ZPBP: variants seen among roughly 807,000 people sequenced by gnomAD.
ZPBP encodes the protein zona pellucida binding protein, also known as zona pellucida-binding protein 1.
Under a neutral mutation model 44.8 loss-of-function variants are expected in ZPBP, and 26 were observed. The observed-to-expected ratio is 0.58, with a 90% confidence interval of 0.43 to 0.81. The LOEUF (loss-of-function observed/expected upper bound fraction) is 0.81. ZPBP is among the 30% of genes least tolerant of loss of function. The probability of loss-of-function intolerance (pLI) is 0.00; values close to 1 mark genes in which losing one functional copy is unlikely to be tolerated. For synonymous variants in ZPBP, 174 were observed against 153.2 expected (o/e 1.14, Z -1.00); for missense variants, 409 against 434.0 (o/e 0.94, Z 0.51).
chr7:49,848,501 G>C (rs528866685), downstream of ZPBP, among the ~76,000 whole-genome samples: 16 of 152,334 alleles, frequency 1.1e-4, no homozygotes, highest in African/African-American at 3.8e-4. Context: ...AGGAACTGTT[G>C]CTCAGTGAGC....
chr7:50,086,744 C>T (rs1349474647), intron 2 of ZPBP, among the ~76,000 whole-genome samples: 1 of 151,822 alleles, frequency 6.6e-6, no homozygotes, highest in Non-Finnish European at 1.5e-5. Context: ...TAATCAGAGT[C>T]CTGAAGGAGG....
At chr7:49,944,599 A>G (rs1795024514) in intron 7 of ZPBP, among the ~76,000 whole-genome samples, 1 of 152,036 alleles carries the variant, frequency 6.6e-6, no homozygotes, top group Non-Finnish European at 1.5e-5. Flanking sequence ...TCATAGTTCA[A>G]TCTTGGTAGG....
Position 49,886,290 on chromosome 7 carries a change from A to C in ZPBP, n.509+14828T>G, listed in dbSNP as rs568929408. The stretch of plus-strand genomic sequence containing the variant: ...GTAAAAGTCCTTGAATATGCAGACA[A>C]TAGAGTACATTCCTATTTGGAAGCG... On this transcript the variant is annotated intron_variant and non_coding_transcript_variant, in intron 2 of 2. Coordinates refer to the ZPBP transcript ENST00000465922. Among the ~76,000 whole-genome samples the C allele has an allele frequency of 2.0e-5, 3 of 152,264 alleles. No individual in the cohort carries two copies. The East Asian group carries it at 5.8e-4, about 29-fold the overall frequency.
intron 2 of ZPBP, among the ~76,000 whole-genome samples, chr7:49,863,582 C>A (rs1790754866): frequency 6.6e-6 from 1 of 152,106 alleles, no homozygotes; most frequent in African/African-American, 2.4e-5. Flanking sequence ...CAGGTGTGCA[C>A]CACCATGCCC....
At chr7:49,903,543 C>T (rs1365025444) in intron 1 of ZPBP, among the ~76,000 whole-genome samples, 1 of 152,012 alleles carries the variant, frequency 6.6e-6, no homozygotes, top group Non-Finnish European at 1.5e-5. Flanking sequence ...AATAATAAAA[C>T]AATAGATATG....
At chr7:49,999,134 T>C (rs182882539) in intron 6 of ZPBP, among the ~76,000 whole-genome samples, 15 of 151,952 alleles carry the variant, frequency 9.9e-5, no homozygotes, top group Non-Finnish European at 1.8e-4. Flanking sequence ...GGGTAAGGGA[T>C]ACTCAACCTG....
chr7:49,843,188 C>T, the ZPBP span, among the ~76,000 whole-genome samples: 7 of 152,314 alleles, frequency 4.6e-5, no homozygotes, highest in East Asian at 7.7e-4. Context: ...TTCTTGCTTA[C>T]TGTAACCAAT....
At chr7:49,939,185 GA>G (rs1450599820) in intron 7 of ZPBP, among the ~76,000 whole-genome samples, 1 of 152,148 alleles carries the variant, frequency 6.6e-6, no homozygotes, top group East Asian at 1.9e-4. Context: ...AACAAATATG[GA>G]AATGTTGAGC....
intron 3 of ZPBP, among the ~76,000 whole-genome samples, chr7:50,062,256 A>G (rs530080585): frequency 6.6e-6 from 1 of 152,308 alleles, no homozygotes; most frequent in African/African-American, 2.4e-5. Flanking sequence ...TACCCAAAAC[A>G]ACTTACAGAT....
Position 49,956,838 on chromosome 7 carries a change from A to G in ZPBP, c.962-19216T>C, listed in dbSNP as rs886078050. ...CAAAGAAACAAGAATAGCTAAAATT[A>G]GCTTTGTGAGAGAAGAAAAAAGTAG... On this transcript the variant is annotated intron_variant, in intron 7 of 7. Transcript: ENST00000046087. Among the ~76,000 whole-genome samples, 60 of 152,228 alleles carry G rather than the reference A, an allele frequency of 3.9e-4. 2 individuals are homozygous for G. The highest frequency in any genetic ancestry group is 2.9e-5 in the Non-Finnish European group (2 of 68,030).
rs548745184 is a variant in ZPBP, at chr7:50,082,306, G to A, written c.209-407C>T. On this transcript the variant is annotated intron_variant, in intron 2 of 7. Coordinates refer to ENST00000046087, the MANE Select transcript of ZPBP (RefSeq NM_007009.3). ...AGCTTAAAAATTGTTTAGATTAGCA[G>A]AATAATGCATTATTCACAATGATGT... Among the ~76,000 whole-genome samples, 4 of 151,910 alleles carry A rather than the reference G, an allele frequency of 2.6e-5. No individual in the cohort carries two copies. In the East Asian group the frequency reaches 7.7e-4, roughly 29 times the overall value.
chr7:49,964,997 T>C lies in ZPBP; in HGVS notation c.961+18345A>G, dbSNP rs1227226669. On this transcript the variant is annotated intron_variant, in intron 7 of 7. Coordinates refer to ENST00000046087, the MANE Select transcript of ZPBP (RefSeq NM_007009.3). ...GGGCTGAGAATAGTCCATGCTCCCATCAGTCAGTCTTGAAAACACCAAGAA... is the reference window on the plus strand; with the variant it reads ...GGGCTGAGAATAGTCCATGCTCCCACCAGTCAGTCTTGAAAACACCAAGAA... Among the ~76,000 whole-genome samples, 7 of 152,208 alleles carry C rather than the reference T, an allele frequency of 4.6e-5. No individual in the cohort carries two copies. In the East Asian group the frequency reaches 1.3e-3, roughly 29 times the overall value.
intron 6 of ZPBP, among the ~76,000 whole-genome samples, chr7:49,984,333 C>T (rs530945752): frequency 1.3e-5 from 2 of 152,256 alleles, no homozygotes; most frequent in African/African-American, 4.8e-5. Flanking sequence ...GCAAAAACAC[C>T]CACAAAGGGT....
At chr7:49,941,655 G>T (rs1190956339) in intron 7 of ZPBP, among the ~76,000 whole-genome samples, 1 of 151,878 alleles carries the variant, frequency 6.6e-6, no homozygotes, top group African/African-American at 2.4e-5. Flanking sequence ...CAAATAAATA[G>T]AAAGACATAT....
intron 2 of ZPBP, among the ~76,000 whole-genome samples, chr7:49,851,626 G>A (rs1028977199): frequency 2.0e-5 from 3 of 152,226 alleles, no homozygotes; most frequent in Non-Finnish European, 2.9e-5. Context: ...TCGGGAGGCC[G>A]AGGCGGGTGG....
intron 3 of ZPBP, among the ~76,000 whole-genome samples, chr7:50,070,971 C>A (rs1388531110): frequency 6.6e-6 from 1 of 152,190 alleles, no homozygotes; most frequent in Non-Finnish European, 1.5e-5. Flanking sequence ...GCAGTTAATT[C>A]TAAAGGACTC....
At chr7:49,874,282 T>C (rs1199209810) in intron 2 of ZPBP, among the ~76,000 whole-genome samples, 1 of 152,238 alleles carries the variant, frequency 6.6e-6, no homozygotes, top group Non-Finnish European at 1.5e-5. Context: ...ACTGCATTTT[T>C]ACTCTACCTT....
chr7:50,054,541 C>G (rs1800840833), intron 4 of ZPBP, among the ~76,000 whole-genome samples: 1 of 151,966 alleles, frequency 6.6e-6, no homozygotes, highest in Admixed American at 6.6e-5. Context: ...TTGCCATATT[C>G]AAAACCGATA....
At chr7:49,910,593 C>A (rs1490197791) in intron 1 of ZPBP, among the ~76,000 whole-genome samples, 1 of 95,366 alleles carries the variant, frequency 1.0e-5, no homozygotes, top group Non-Finnish European at 2.2e-5. Flanking sequence ...TAACACAAAG[C>A]CATTAATCTT....
Sources: gnomAD v4.1 joint callset for allele counts (sites outside exome capture counted in the v4.1 genomes callset) on GRCh38, gnomAD v4.1.1 for gene constraint, MANE v1.5 for transcripts, NCBI Gene and HGNC (gene_info 2026-07-23, HGNC 2026-07-21) for gene names.